PTBP3: variants seen among roughly 807,000 people sequenced by gnomAD.
PTBP3 encodes polypyrimidine tract binding protein 3.
Under a neutral mutation model 58.7 loss-of-function variants are expected in PTBP3, and 20 were observed. The observed-to-expected ratio is 0.34, with a 90% CI of 0.24 to 0.50. PTBP3 has a LOEUF of 0.50. PTBP3 is among the 20% of genes least tolerant of loss of function. The pLI, the probability that PTBP3 is intolerant of heterozygous loss-of-function variation, is 0.98. For synonymous variants in PTBP3, 185 were observed against 219.8 expected (o/e 0.84, Z 1.40); for missense variants, 509 against 637.2 (o/e 0.80, Z 2.17).
chr9:112,302,582 C>CTTT (rs369208342), intron 1 of PTBP3, among the ~76,000 whole-genome samples: 20 of 110,500 alleles, frequency 1.8e-4, no homozygotes, highest in South Asian at 6.5e-4. Context: ...TATTCTTCAT[C>CTTT]TTTTTTTTTT....
At chr9:112,311,973 G>GA (rs761482687) in intron 1 of PTBP3, among the ~76,000 whole-genome samples, 2 of 151,182 alleles carry the variant, frequency 1.3e-5, no homozygotes, top group Non-Finnish European at 3.0e-5. Flanking sequence ...ATTTTAAAAA[G>GA]AAAAAAAGAG....
intron 2 of PTBP3, among the ~76,000 whole-genome samples, chr9:112,277,738 G>A (rs544025058): frequency 6.6e-6 from 1 of 151,904 alleles, no homozygotes; most frequent in South Asian, 2.1e-4. Flanking sequence ...TTAGCAGGAT[G>A]TGCTGGCGTA....
intron 2 of PTBP3, among the ~76,000 whole-genome samples, chr9:112,292,179 T>C (rs1175680718): frequency 6.6e-6 from 1 of 152,198 alleles, no homozygotes; most frequent in Non-Finnish European, 1.5e-5. Flanking sequence ...CAAGAAAAGA[T>C]ATTCAGCATT....
Position 112,268,092 on chromosome 9 carries a change from G to T in PTBP3, c.308C>A (p.Ser103Tyr), listed in dbSNP as rs779530124. The change falls in exon 4 of 14, where the codon TCC becomes TAC. Residue 103 changes from serine to tyrosine, a missense_variant. Ser to Tyr is a moderately radical substitution (Grantham distance 144, BLOSUM62 -2). Transcript: ENST00000374257. ...LRSQPVYIQY[S>Y]NHRELKTDNL... ...GTCAGTCTTAAGTTCTCTGTGATTG[G>T]AATACTGAATATAAACAGGCTGGCT... 5 of 1,613,496 alleles carry T rather than the reference G, an allele frequency of 3.1e-6. No homozygotes were observed. Among genetic ancestry groups the T allele is most frequent in the Non-Finnish European group, 4.2e-6 (5 of 1,179,652 alleles).
intron 1 of PTBP3, among the ~76,000 whole-genome samples, chr9:112,312,636 A>T (rs1168706935): frequency 6.6e-6 from 1 of 151,884 alleles, no homozygotes; most frequent in African/African-American, 2.4e-5. Flanking sequence ...AGGATATACG[A>T]GTTCTTTGTA....
chr9:112,373,611 A>T, the PTBP3 span, among the ~76,000 whole-genome samples: 1 of 152,306 alleles, frequency 6.6e-6, no homozygotes, highest in Non-Finnish European at 1.5e-5. Flanking sequence ...GAACCCATAC[A>T]CATCTCCTGA....
At chr9:112,268,639 G>T (rs941749337) in intron 3 of PTBP3, among the ~76,000 whole-genome samples, 3 of 151,216 alleles carry the variant, frequency 2.0e-5, no homozygotes, top group African/African-American at 7.3e-5. Context: ...TCAAGCCTGG[G>T]AGGTTGAGGG....
chr9:112,306,601 TATA>T (rs1304535582), intron 1 of PTBP3, among the ~76,000 whole-genome samples: 2,424 of 94,746 alleles, frequency 0.026, 69 homozygotes, highest in African/African-American at 0.097. Flanking sequence ...TATATATATA[TATA>T]TTTTTGTTTG....
intron 1 of PTBP3, among the ~76,000 whole-genome samples, chr9:112,326,927 A>G (rs2132472369): frequency 6.6e-6 from 1 of 152,328 alleles, no homozygotes; most frequent in South Asian, 2.1e-4. Flanking sequence ...AATTAAAGAC[A>G]GCAATTATGC....
chr9:112,358,134 C>T, the PTBP3 span, among the ~76,000 whole-genome samples: 1 of 151,970 alleles, frequency 6.6e-6, no homozygotes, highest in Admixed American at 6.6e-5. Context: ...GTGATGATAC[C>T]CTGTCTCTAC....
At chr9:112,335,597 T>A (rs113753003), upstream of PTBP3, among the ~76,000 whole-genome samples, 735 of 60,996 alleles carry the variant, frequency 0.012, 10 homozygotes, top group African/African-American at 0.06. Flanking sequence ...TTTACCATTT[T>A]TCTTTTTTTT....
In PTBP3 at chr9:112,229,694, A is replaced by C. The variant is rs1321641715; in HGVS notation, c.1055-1222T>G. Among the ~76,000 whole-genome samples the C allele has an allele frequency of 1.3e-5, 2 of 152,198 alleles. 1 individual carries two copies. Among genetic ancestry groups the C allele is most frequent in the Non-Finnish European group, 2.9e-5 (2 of 68,014 alleles). On this transcript the variant is annotated intron_variant, in intron 10 of 13. Transcript: ENST00000374257. Reference sequence around the variant, plus strand: ...GAAATAACACGATGGTGATGTAACTATTCTTTAAAAACTAAACATATACCA... The same window carrying C: ...GAAATAACACGATGGTGATGTAACTCTTCTTTAAAAACTAAACATATACCA...
At chr9:112,226,904 A>T (rs1281802365) in intron 12 of PTBP3, among the ~76,000 whole-genome samples, 1 of 152,248 alleles carries the variant, frequency 6.6e-6, no homozygotes, top group Non-Finnish European at 1.5e-5. Context: ...AGATAACTAA[A>T]GCACACATAC....
chr9:112,281,733 G>C (rs1366278235), intron 2 of PTBP3, among the ~76,000 whole-genome samples: 3 of 152,148 alleles, frequency 2.0e-5, no homozygotes, highest in Admixed American at 1.3e-4. Flanking sequence ...ATGACTATCT[G>C]AGTTTTCTAT....
At chr9:112,376,775 G>A in the PTBP3 span, among the ~76,000 whole-genome samples, 1 of 152,086 alleles carries the variant, frequency 6.6e-6, no homozygotes, top group East Asian at 1.9e-4. Flanking sequence ...CTGATTAGAT[G>A]GTACCCACTC....
intron 3 of PTBP3, among the ~76,000 whole-genome samples, chr9:112,273,761 A>G (rs1447403528): frequency 6.6e-6 from 1 of 152,196 alleles, no homozygotes; most frequent in Non-Finnish European, 1.5e-5. Context: ...TTGGCCCCTG[A>G]CACTCCATCC....
intron 7 of PTBP3, chr9:112,242,735 T>A (rs1459247967): frequency 1.3e-5 from 2 of 152,192 alleles, no homozygotes; most frequent in African/African-American, 4.8e-5. Flanking sequence ...CGAACTTAAG[T>A]GTAGACATCT....
At chr9:112,341,445 T>C in the PTBP3 span, among the ~76,000 whole-genome samples, 1 of 152,142 alleles carries the variant, frequency 6.6e-6, no homozygotes, top group African/African-American at 2.4e-5. Context: ...GGTAGAATTT[T>C]ATTCCCTTGT....
At chr9:112,326,022 A>AAACT (rs1408664805) in intron 1 of PTBP3, among the ~76,000 whole-genome samples, 5 of 151,836 alleles carry the variant, frequency 3.3e-5, no homozygotes. Context: ...TGTCTCAAAC[A>AAACT]AACAAAACAG....
Sources: allele counts gnomAD v4.1 joint callset (sites outside exome capture counted in the v4.1 genomes callset), GRCh38; gene constraint gnomAD v4.1.1; transcripts MANE v1.5; gene names NCBI Gene and HGNC (gene_info 2026-07-23, HGNC 2026-07-21).